CCSER2: variants seen among roughly 807,000 people sequenced by gnomAD.
CCSER2 encodes coiled-coil serine rich protein 2.
In CCSER2, 46 loss-of-function variants were observed where a neutral mutation model predicts 92.3. The observed-to-expected ratio is 0.50, with a 90% CI of 0.39 to 0.64. CCSER2 has a LOEUF of 0.64. CCSER2 is among the 30% of genes least tolerant of loss of function. The pLI, the probability that CCSER2 is intolerant of heterozygous loss-of-function variation, is 0.00. For synonymous variants in CCSER2, 433 were observed against 431.4 expected (o/e 1.00, Z -0.04); for missense variants, 1,244 against 1,238.9 (o/e 1.00, Z -0.06).
chr10:84,417,235 G>A (rs992702097), intron 3 of CCSER2, among the ~76,000 whole-genome samples: 6 of 152,352 alleles, frequency 3.9e-5, no homozygotes, highest in East Asian at 1.9e-4. Context: ...ATGCTAGGTT[G>A]AATAGTCTAG....
intron 3 of CCSER2, among the ~76,000 whole-genome samples, chr10:84,401,636 C>A (rs1017731597): frequency 6.6e-6 from 1 of 152,152 alleles, no homozygotes; most frequent in African/African-American, 2.4e-5. Context: ...TCTACATAGA[C>A]TTTTCCTGAA....
rs1201439871 is a variant in CCSER2 at position 84,425,753 on chromosome 10, C to T, written c.1728C>T (p.Arg576=). Residue 576 remains arginine (R), a synonymous_variant, in exon 5 of 10, where the codon CGC becomes CGT. Coordinates refer to ENST00000372088, the MANE Select transcript of CCSER2 (RefSeq NM_001284240.2). ...TAGTGGAGTGTGACAATATGAACCGCTTTGACCGACCAGACAGAAATGTTC... is the reference window on the plus strand; with the variant it reads ...TAGTGGAGTGTGACAATATGAACCGTTTTGACCGACCAGACAGAAATGTTC... The part of the protein sequence containing the change: ...LENVECDNMN[R]FDRPDRNVRQ... 2 of 1,612,700 alleles carry T rather than the reference C, an allele frequency of 1.2e-6. No individual in the cohort carries two copies. The highest frequency in any genetic ancestry group is 1.7e-5 in the Admixed American group (1 of 59,892).
At chr10:84,403,315 T>C (rs1842216551) in intron 3 of CCSER2, among the ~76,000 whole-genome samples, 1 of 152,162 alleles carries the variant, frequency 6.6e-6, no homozygotes, top group Non-Finnish European at 1.5e-5. Flanking sequence ...TCATCGATCA[T>C]ATAAAATGTG....
At chr10:84,379,622 T>G (rs1443414517) in intron 3 of CCSER2, among the ~76,000 whole-genome samples, 3 of 152,052 alleles carry the variant, frequency 2.0e-5, no homozygotes, top group Non-Finnish European at 4.4e-5. Context: ...TCTTTTTATG[T>G]GCGTTGTTTT....
At chr10:84,489,492 A>G (rs1486405873) in intron 9 of CCSER2, among the ~76,000 whole-genome samples, 1 of 152,174 alleles carries the variant, frequency 6.6e-6, no homozygotes, top group Non-Finnish European at 1.5e-5. Flanking sequence ...CCATTATGTA[A>G]TGGCCTCCTT....
intron 5 of CCSER2, among the ~76,000 whole-genome samples, chr10:84,437,146 CACACAGAGAGAGAGAGAGAG>C (rs1564662048): frequency 1.0e-5 from 1 of 97,880 alleles, no homozygotes; most frequent in Non-Finnish European, 2.5e-5. Context: ...CACACACACA[CACACAGAGAGAGAGAGAGAG>C]AGAGAGAGAC....
chr10:84,439,469 C>G (rs957364529), intron 6 of CCSER2, among the ~76,000 whole-genome samples: 1 of 152,218 alleles, frequency 6.6e-6, no homozygotes. Flanking sequence ...AACAGCCTGA[C>G]TTCTCTCTGC....
At chr10:84,331,126 G>A (rs1246184058) in intron 1 of CCSER2, among the ~76,000 whole-genome samples, 1 of 152,096 alleles carries the variant, frequency 6.6e-6, no homozygotes, top group East Asian at 1.9e-4. Flanking sequence ...AAAATTTTAC[G>A]GTTAAACAAC....
At chr10:84,402,935 C>CT (rs1589561665) in intron 3 of CCSER2, among the ~76,000 whole-genome samples, 1 of 152,094 alleles carries the variant, frequency 6.6e-6, no homozygotes, top group Non-Finnish European at 1.5e-5. Context: ...CCTGGAAATA[C>CT]TTTTTTGTAG....
At chr10:84,500,201 C>T (rs1024287237) in intron 9 of CCSER2, among the ~76,000 whole-genome samples, 12 of 152,168 alleles carry the variant, frequency 7.9e-5, no homozygotes, top group Admixed American at 5.9e-4. Context: ...ACTGTTTAAA[C>T]CTATTGCCAG....
At chr10:84,493,740 G>A (rs1589810033) in intron 9 of CCSER2, among the ~76,000 whole-genome samples, 1 of 152,302 alleles carries the variant, frequency 6.6e-6, no homozygotes, top group South Asian at 2.1e-4. Context: ...ATGGGGAGAG[G>A]GTTGTGGGAG....
chr10:84,456,874 T>C (rs1418932269), intron 6 of CCSER2, among the ~76,000 whole-genome samples: 1 of 152,066 alleles, frequency 6.6e-6, no homozygotes, highest in Admixed American at 6.6e-5. Flanking sequence ...TTGCCATTTA[T>C]ATGTCTTTTT....
intron 4 of CCSER2, chr10:84,425,012 T>TA: frequency 6.1e-6 from 6 of 983,544 alleles, no homozygotes; most frequent in Non-Finnish European, 7.2e-6. Context: ...GTAACTCTCT[T>TA]AGTGAGTGCT....
At chr10:84,363,282 C>T (rs1364158583) in intron 1 of CCSER2, among the ~76,000 whole-genome samples, 1 of 151,950 alleles carries the variant, frequency 6.6e-6, no homozygotes, top group Non-Finnish European at 1.5e-5. Context: ...GTGTGAGCCA[C>T]CACGCCTGGC....
intron 9 of CCSER2, among the ~76,000 whole-genome samples, chr10:84,479,768 A>C (rs967913841): frequency 6.6e-6 from 1 of 152,180 alleles, no homozygotes; most frequent in African/African-American, 2.4e-5. Flanking sequence ...CTAAGAAGTG[A>C]CTTATGCAAG....
At chr10:84,349,141 T>C (rs1371339977) in intron 1 of CCSER2, among the ~76,000 whole-genome samples, 1 of 152,204 alleles carries the variant, frequency 6.6e-6, no homozygotes, top group Non-Finnish European at 1.5e-5. Flanking sequence ...ATGAGTAATT[T>C]TTAGTAGAAA....
At chr10:84,364,722 A>G (rs1321575813) in intron 1 of CCSER2, among the ~76,000 whole-genome samples, 1 of 151,112 alleles carries the variant, frequency 6.6e-6, no homozygotes, top group Non-Finnish European at 1.5e-5. Flanking sequence ...AAAGGCATTT[A>G]TAAGTATTTT....
intron 3 of CCSER2, among the ~76,000 whole-genome samples, chr10:84,417,060 G>A (rs1368079670): frequency 3.3e-5 from 5 of 152,216 alleles, no homozygotes; most frequent in South Asian, 2.1e-4. Context: ...TTGTAAGGAC[G>A]CACCAGTGGG....
intron 3 of CCSER2, among the ~76,000 whole-genome samples, chr10:84,399,603 C>T (rs1842011246): frequency 1.3e-5 from 2 of 152,120 alleles, no homozygotes; most frequent in South Asian, 4.1e-4. Flanking sequence ...TTTTTTTAAA[C>T]CTTCCTGGAG....
Sources: allele counts gnomAD v4.1 joint callset (sites outside exome capture counted in the v4.1 genomes callset), GRCh38; gene constraint gnomAD v4.1.1; transcripts MANE v1.5; gene names NCBI Gene and HGNC (gene_info 2026-07-23, HGNC 2026-07-21).